MINDY4: variants seen among roughly 807,000 people sequenced by gnomAD.
MINDY4 encodes the protein MINDY lysine 48 deubiquitinase 4.
In MINDY4, 68 loss-of-function variants were observed where a neutral mutation model predicts 87.0. The observed-to-expected ratio is 0.78, with a 90% CI of 0.64 to 0.96. The LOEUF (loss-of-function observed/expected upper bound fraction) is 0.96, where lower values mean the gene tolerates loss of function less well. MINDY4 is among the 40% of genes least tolerant of loss of function. MINDY4 has a pLI of 0.00. For missense variants in MINDY4, 919 were observed against 928.2 expected (o/e 0.99, Z 0.13); for synonymous variants, 379 against 363.2 (o/e 1.04, Z -0.50).
At chr7:30,785,613 C>T (rs2269921) in intron 3 of MINDY4, 136 bp from the exon 4 acceptor site, 28 of 1,004,126 alleles carry the variant, frequency 2.8e-5, no homozygotes, top group African/African-American at 9.7e-5. Context: ...TTCATGATAA[C>T]GCACTGGCTG....
chr7:30,868,196 G>T (rs1043540112), intron 13 of MINDY4, among the ~76,000 whole-genome samples: 8 of 152,244 alleles, frequency 5.3e-5, no homozygotes, highest in African/African-American at 1.9e-4. Context: ...GCTAGGGGTA[G>T]GGCTTTGGGA....
chr7:30,888,798 G>T (rs1355152059), intron 17 of MINDY4, among the ~76,000 whole-genome samples: 1 of 152,174 alleles, frequency 6.6e-6, no homozygotes, highest in African/African-American at 2.4e-5. Context: ...ATTTGCCCCT[G>T]TTGGCTGGAT....
chr7:30,827,463 G>A (rs1033740861), intron 5 of MINDY4, among the ~76,000 whole-genome samples: 4 of 152,106 alleles, frequency 2.6e-5, no homozygotes, highest in Non-Finnish European at 5.9e-5. Flanking sequence ...ACTCAGTGTC[G>A]ACTGCCCCTT....
In MINDY4 at chr7:30,887,718, C is replaced by T. The variant is rs2128583408; in HGVS notation, c.2226-4239C>T. ...CCCCACCTGCCACCTCCACCTGGAG[C>T]CCAGGCTGCAGGCACTGGTTAAACC... is the stretch of plus-strand genomic sequence containing the variant. On this transcript the variant is annotated intron_variant, in intron 17 of 17. Coordinates refer to ENST00000265299, the MANE Select transcript of MINDY4 (RefSeq NM_032222.3). Among the ~76,000 whole-genome samples the T allele has an allele frequency of 2.6e-5, 4 of 152,346 alleles. No homozygotes were observed. The South Asian group carries it at 8.3e-4, about 32-fold the overall frequency.
At chr7:30,774,669 G>A (rs570254643) in intron 1 of MINDY4, among the ~76,000 whole-genome samples, 23 of 151,776 alleles carry the variant, frequency 1.5e-4, no homozygotes, top group Non-Finnish European at 2.6e-4. Flanking sequence ...TTTAGTCCTC[G>A]CCCTTCTTGA....
chr7:30,811,555 C>T (rs6956006), intron 5 of MINDY4, among the ~76,000 whole-genome samples: 6 of 152,246 alleles, frequency 3.9e-5, no homozygotes, highest in African/African-American at 1.2e-4. Flanking sequence ...GTCTTATGCC[C>T]GATTTCTGCT....
At chr7:30,815,358 C>T (rs1444266617) in intron 5 of MINDY4, among the ~76,000 whole-genome samples, 2 of 152,210 alleles carry the variant, frequency 1.3e-5, no homozygotes, top group African/African-American at 4.8e-5. Flanking sequence ...GGAGGCTGGG[C>T]TGCCAGGAAG....
At position 30,844,492 on chromosome 7, in the gene MINDY4, G is replaced by C. The variant is rs955361300; in HGVS notation, c.1445+3644G>C. On this transcript the variant is annotated intron_variant, in intron 9 of 17. Coordinates refer to ENST00000265299, the MANE Select transcript of MINDY4 (RefSeq NM_032222.3). ...CCTGCCTCAGGTCGCAGGTAGATAG[G>C]GGTTGGGGAGGAAGAACCCTCCTGA... Among the ~76,000 whole-genome samples the C allele has an allele frequency of 5.3e-5, 8 of 152,126 alleles. No homozygotes were observed. The East Asian group carries it at 1.5e-3, about 29-fold the overall frequency.
chr7:30,820,567 T>A (rs762693072), intron 5 of MINDY4, among the ~76,000 whole-genome samples: 8 of 152,228 alleles, frequency 5.3e-5, no homozygotes, highest in Non-Finnish European at 8.8e-5. Flanking sequence ...ATCTGTGATA[T>A]TTCACATAAG....
chr7:30,786,113 T>G lies in MINDY4; in HGVS notation c.663+121T>G, dbSNP rs972124500. 1.0e-5 allele frequency: 14 copies of G among 1,351,456 alleles called. No homozygotes were observed. In the South Asian group the frequency reaches 1.8e-4, roughly 17 times the overall value. The allele number at this position is 1,351,456 out of a possible 1,614,324, so 83.7% of individuals were successfully genotyped here. A position where few individuals can be genotyped will look rare whatever the true frequency, so the allele number is the denominator to read the frequency against. On this transcript the variant is annotated intron_variant, in intron 4 of 17. Coordinates refer to ENST00000265299, the MANE Select transcript of MINDY4 (RefSeq NM_032222.3). ...GCAGTCCGAGAAGAGGGTCTGTGTG[T>G]GGGGTGGGAAGAACAGTGCCTCTGT...
chr7:30,837,098 C>T (rs561336841), intron 7 of MINDY4, among the ~76,000 whole-genome samples: 14 of 152,286 alleles, frequency 9.2e-5, no homozygotes, highest in Admixed American at 2.6e-4. Flanking sequence ...ATTAGAGCAG[C>T]GCTGCTCCTG....
intron 5 of MINDY4, among the ~76,000 whole-genome samples, chr7:30,810,371 G>A (rs1787952322): frequency 6.6e-6 from 1 of 151,196 alleles, no homozygotes; most frequent in Non-Finnish European, 1.5e-5. Context: ...TATGTGCAAG[G>A]TGTACAAGGA....
At chr7:30,859,577 A>G (rs989998826) in intron 13 of MINDY4, among the ~76,000 whole-genome samples, 1 of 152,206 alleles carries the variant, frequency 6.6e-6, no homozygotes. Context: ...CCAGCCCTTG[A>G]GGAGCTTGCC....
At chr7:30,848,911 C>T (rs895922936) in intron 9 of MINDY4, among the ~76,000 whole-genome samples, 2 of 152,176 alleles carry the variant, frequency 1.3e-5, no homozygotes, top group African/African-American at 4.8e-5. Flanking sequence ...TTCATAAAGA[C>T]AATAGTCATA....
intron 13 of MINDY4, among the ~76,000 whole-genome samples, chr7:30,867,625 A>C (rs1360183217): frequency 6.6e-6 from 1 of 152,172 alleles, no homozygotes; most frequent in East Asian, 1.9e-4. Flanking sequence ...AGCTGCCCTT[A>C]CACTATTGAT....
chr7:30,781,908 A>G, intron 2 of MINDY4, 69 bp from the exon 3 acceptor site: 4 of 1,058,566 alleles, frequency 3.8e-6, no homozygotes, highest in Non-Finnish European at 5.6e-6. Context: ...GAAGTGGAAT[A>G]GTTGTCTTTT....
At chr7:30,882,129 GGACCCCTT>G (rs1562565887) in intron 15 of MINDY4, 44 bp from the exon 16 acceptor site, 1 of 1,529,210 alleles carries the variant, frequency 6.5e-7, no homozygotes, top group Non-Finnish European at 8.9e-7. Flanking sequence ...AAAAATGCCC[GGACCCCTT>G]TCCCTGGGGA....
chr7:30,823,526 A>C (rs1338383380), intron 5 of MINDY4, among the ~76,000 whole-genome samples: 1 of 152,042 alleles, frequency 6.6e-6, no homozygotes, highest in Admixed American at 6.5e-5. Context: ...TCAATATTTA[A>C]TGTATCATCT....
At position 30,882,959 on chromosome 7, in the gene MINDY4, C is replaced by CT. The variant is rs1790518183; in HGVS notation, c.2193dup (p.Val732CysfsTer33). 6.2e-7 allele frequency: 1 copy of CT among 1,614,092 alleles called. No individual in the cohort carries two copies. Among genetic ancestry groups the CT allele is most frequent in the East Asian group, 2.2e-5 (1 of 44,848 alleles). On this transcript the variant is annotated frameshift_variant, in exon 17 of 18. Transcript: ENST00000265299. LOFTEE classifies it high-confidence loss of function. ...CATCTCTGAGGACACAGACAACGAC[C>CT]TTGTCCCACCCCTCGAGCTCTGCAT...
Sources: gnomAD v4.1 joint callset for allele counts (sites outside exome capture counted in the v4.1 genomes callset) on GRCh38, gnomAD v4.1.1 for gene constraint, MANE v1.5 for transcripts, NCBI Gene and HGNC (gene_info 2026-07-23, HGNC 2026-07-21) for gene names.